The following L3HYPDH variants were observed in gnomAD, a reference collection of about 807,000 sequenced individuals.
The protein encoded by L3HYPDH is trans-L-3-hydroxyproline dehydratase.
L3HYPDH carries 32 observed loss-of-function variants against 26.5 expected under a neutral mutation model. The ratio of observed to expected loss-of-function variants is 1.21; its 90% CI spans 0.91 to 1.62. The LOEUF is 1.62. Among genes scored for constraint, L3HYPDH ranks in the 40% most tolerant of loss-of-function variants. The pLI is 0.00. For synonymous variants in L3HYPDH, 215 were observed against 196.6 expected (o/e 1.09, Z -0.78); for missense variants, 554 against 476.4 (o/e 1.16, Z -1.52).
upstream of L3HYPDH, chr14:59,484,807 G>T (rs1890399266): frequency 1.1e-6 from 1 of 921,546 alleles, no homozygotes; most frequent in Non-Finnish European, 1.6e-6. Flanking sequence ...GCTGTCTGCG[G>T]CGAAATGCCA....
At chr14:59,484,972 C>A, upstream of L3HYPDH, 1 of 1,558,802 alleles carries the variant, frequency 6.4e-7, no homozygotes. Context: ...TTGTCTACTG[C>A]TTCAACCTCA....
At chr14:59,468,552 C>A (rs1472436950), downstream of L3HYPDH, among the ~76,000 whole-genome samples, 2 of 152,138 alleles carry the variant, frequency 1.3e-5, no homozygotes, top group Non-Finnish European at 2.9e-5. Flanking sequence ...CGTATTGGGC[C>A]ATGTTCCCCT....
chr14:59,495,136 A>C, the L3HYPDH span: 1 of 1,613,762 alleles, frequency 6.2e-7, no homozygotes, highest in East Asian at 2.2e-5. Context: ...TCGAGTATTG[A>C]TGCTTTCTGA....
intron 4 of L3HYPDH, among the ~76,000 whole-genome samples, chr14:59,474,081 AG>A (rs2139800709): frequency 6.6e-6 from 1 of 152,336 alleles, no homozygotes; most frequent in Non-Finnish European, 1.5e-5. Context: ...AAATATTGTT[AG>A]GGTATAATAC....
chr14:59,471,196 G>T (rs1055758802), downstream of L3HYPDH, among the ~76,000 whole-genome samples: 17 of 152,184 alleles, frequency 1.1e-4, no homozygotes, highest in Admixed American at 9.8e-4. Flanking sequence ...CAAGAGTTCA[G>T]CTCTGGTTTG....
chr14:59,492,992 G>A, the L3HYPDH span, among the ~76,000 whole-genome samples: 1 of 151,912 alleles, frequency 6.6e-6, no homozygotes, highest in African/African-American at 2.4e-5. Flanking sequence ...TAGAGACGGG[G>A]TTTCACTGTG....
At chr14:59,494,720 C>T in the L3HYPDH span, among the ~76,000 whole-genome samples, 1 of 152,026 alleles carries the variant, frequency 6.6e-6, no homozygotes. Context: ...CGTTACATAC[C>T]ATCTTTTATG....
chr14:59,484,772 C>T (rs188578431), upstream of L3HYPDH: 1,278 of 947,038 alleles, frequency 1.3e-3, 13 homozygotes, highest in African/African-American at 0.016. Context: ...GTGGTCTGTC[C>T]GCAACGGGCT....
rs73303646 is a variant in L3HYPDH, at chr14:59,483,619, A to T, written c.508+190T>A. 3,137 of 1,434,732 alleles carry T rather than the reference A, an allele frequency of 2.2e-3. 47 individuals are homozygous for T. The African/African-American group carries it at 0.041, about 19-fold the overall frequency. The allele number at this position is 1,434,732 out of a possible 1,614,324, so 88.9% of individuals were successfully genotyped here. A position where few individuals can be genotyped will look rare whatever the true frequency, so the allele number is the denominator to read the frequency against. On this transcript the variant is annotated intron_variant, in intron 1 of 4. Transcript: ENST00000247194. ...AACCACAGGCGGATGGGAGTCAGGG[A>T]AAATCGAAATTACACGCACCAAATA...
the L3HYPDH span, among the ~76,000 whole-genome samples, chr14:59,494,624 T>A: frequency 0.43 from 65,343 of 152,060 alleles, 15,858 homozygotes; most frequent in African/African-American, 0.66. Context: ...GGAACAAAGA[T>A]GTAGTTACAA....
At chr14:59,490,437 AT>A in the L3HYPDH span, among the ~76,000 whole-genome samples, 1 of 152,208 alleles carries the variant, frequency 6.6e-6, no homozygotes, top group African/African-American at 2.4e-5. Flanking sequence ...TGAATCGTTT[AT>A]TGGTGAAGGT....
At chr14:59,482,544 G>A (rs538755397) in intron 1 of L3HYPDH, among the ~76,000 whole-genome samples, 2 of 152,258 alleles carry the variant, frequency 1.3e-5, no homozygotes, top group Middle Eastern at 6.8e-3. Flanking sequence ...TGGTAGCCAC[G>A]CTAGTTAAAC....
At chr14:59,474,304 A>G (rs903828285) in intron 4 of L3HYPDH, 12 of 543,382 alleles carry the variant, frequency 2.2e-5, no homozygotes, top group Middle Eastern at 8.4e-4. Context: ...TCACACATAC[A>G]CAGTAGGCAA....
chr14:59,497,284 T>C, the L3HYPDH span, among the ~76,000 whole-genome samples: 1 of 152,226 alleles, frequency 6.6e-6, no homozygotes, highest in African/African-American at 2.4e-5. Context: ...AATGAGCAGT[T>C]ATTACTCTTA....
chr14:59,475,352 C>G (rs1406672031), intron 4 of L3HYPDH: 1 of 152,170 alleles, frequency 6.6e-6, no homozygotes, highest in Non-Finnish European at 1.5e-5. Context: ...TTGGATATAT[C>G]TGTTCATTAC....
At chr14:59,478,258 G>A (rs1889772846) in intron 2 of L3HYPDH, among the ~76,000 whole-genome samples, 1 of 152,146 alleles carries the variant, frequency 6.6e-6, no homozygotes, top group South Asian at 2.1e-4. Context: ...ATATTAGTAT[G>A]TATGTATTAT....
At chr14:59,469,221 T>C (rs963487973), downstream of L3HYPDH, among the ~76,000 whole-genome samples, 3 of 152,102 alleles carry the variant, frequency 2.0e-5, no homozygotes, top group Non-Finnish European at 4.4e-5. Context: ...CAAGACTACA[T>C]GCAGGTAGTT....
chr14:59,476,998 T>C (rs1028220608), intron 2 of L3HYPDH, among the ~76,000 whole-genome samples: 2 of 152,250 alleles, frequency 1.3e-5, no homozygotes, highest in Non-Finnish European at 1.5e-5. Flanking sequence ...ATTAGTACTT[T>C]CTACTTCCAG....
the L3HYPDH span, chr14:59,504,126 A>T: frequency 1.9e-6 from 2 of 1,042,410 alleles, no homozygotes; most frequent in Admixed American, 1.9e-5. Flanking sequence ...TAAAAAAGTA[A>T]ATCAATCTTA....
Sources: allele counts gnomAD v4.1 joint callset (sites outside exome capture counted in the v4.1 genomes callset), GRCh38; gene constraint gnomAD v4.1.1; transcripts MANE v1.5; gene names NCBI Gene and HGNC (gene_info 2026-07-23, HGNC 2026-07-21).